ENDOV: variants seen among roughly 807,000 people sequenced by gnomAD.
ENDOV encodes endonuclease V, also known as hEndoV.
A neutral mutation model predicts 39.4 loss-of-function variants in ENDOV; 37 were observed. That is an observed-to-expected ratio of 0.94 (90% CI 0.72 to 1.23). ENDOV has a LOEUF of 1.23. Ranked by LOEUF, ENDOV falls within the 50% of genes most tolerant of loss-of-function variation. ENDOV has a pLI of 0.00. For missense variants in ENDOV, 441 were observed against 375.7 expected, an observed-to-expected ratio of 1.17 and a Z score of -1.44; for synonymous variants, 186 against 163.4, an observed-to-expected ratio of 1.14 and a Z score of -1.05.
chr17:80,424,046 G>T, intron 5 of ENDOV: 3 of 226,912 alleles, frequency 1.3e-5, no homozygotes, highest in East Asian at 9.0e-5. Context: ...CCCCCCTCCC[G>T]CCAAGACCTG....
intron 2 of ENDOV, chr17:80,420,436 C>A (rs907002461): frequency 2.6e-5 from 4 of 152,262 alleles, no homozygotes; most frequent in African/African-American, 7.2e-5. Context: ...CACTTTGGGT[C>A]ATGGGCAGAT....
At chr17:80,432,516 C>T (rs1360501094) in intron 9 of ENDOV, among the ~76,000 whole-genome samples, 3 of 152,076 alleles carry the variant, frequency 2.0e-5, no homozygotes, top group African/African-American at 7.2e-5. Flanking sequence ...CAACCGAGCA[C>T]AGCCGTTGTC....
intron 4 of ENDOV, 46 bp from the exon 5 acceptor site, chr17:80,423,474 G>GGCCCC: frequency 2.1e-6 from 3 of 1,449,926 alleles, no homozygotes; most frequent in Non-Finnish European, 2.8e-6. Flanking sequence ...CCTGTGCCAG[G>GGCCCC]CCCCAGCCCC....
intron 6 of ENDOV, 94 bp from the exon 7 acceptor site, chr17:80,425,398 A>C (rs2082570379): frequency 6.7e-7 from 1 of 1,498,178 alleles, no homozygotes; most frequent in Admixed American, 2.2e-5. Flanking sequence ...CCTTGCCCCC[A>C]GGACATTTTG....
In ENDOV at chr17:80,432,164, G is replaced by A. The variant is rs573571040; in HGVS notation, c.838+2333G>A. On this transcript the variant is annotated intron_variant, in intron 9 of 9. Coordinates refer to ENST00000518137, the MANE Select transcript of ENDOV (RefSeq NM_173627.5). ...TCCACCTGGAACCTGTTTCCTCACC[G>A]GGAACATGAACACCTGCTTCAGAAG... Among the ~76,000 whole-genome samples, 4 of 152,230 alleles carry A rather than the reference G, an allele frequency of 2.6e-5. 1 individual carries two copies. The highest frequency in any genetic ancestry group is 6.5e-5 in the Admixed American group (1 of 15,296).
chr17:80,429,693 C>T, intron 8 of ENDOV, 80 bp from the exon 9 acceptor site: 1 of 1,397,852 alleles, frequency 7.2e-7, no homozygotes, highest in Non-Finnish European at 9.8e-7. Context: ...AGCGCAGTTC[C>T]CAGACCCCAT....
At chr17:80,427,387 G>A (rs1324821738) in intron 7 of ENDOV, 4 of 981,190 alleles carry the variant, frequency 4.1e-6, no homozygotes, top group Admixed American at 1.2e-4. Flanking sequence ...CCCAGAGTAG[G>A]ACAGTGGCCC....
At chr17:80,428,506 G>T in intron 7 of ENDOV, 90 bp from the exon 8 acceptor site, 1 of 1,293,142 alleles carries the variant, frequency 7.7e-7, no homozygotes, top group South Asian at 1.3e-5. Context: ...GGGCTTCTGT[G>T]GGGGATGGAG....
At chr17:80,428,517 G>A in intron 7 of ENDOV, 79 bp from the exon 8 acceptor site, 1 of 1,375,586 alleles carries the variant, frequency 7.3e-7, no homozygotes, top group Non-Finnish European at 1.0e-6. Context: ...GGGGATGGAG[G>A]CATTGCCAGC....
chr17:80,429,166 A>T (rs2083101318), intron 8 of ENDOV, among the ~76,000 whole-genome samples: 1 of 152,338 alleles, frequency 6.6e-6, no homozygotes, highest in East Asian at 1.9e-4. Context: ...AGTCACCGCT[A>T]ACAGTGCAAG....
chr17:80,430,323 G>A, intron 9 of ENDOV: 1 of 1,522,088 alleles, frequency 6.6e-7, no homozygotes, highest in South Asian at 1.2e-5. Context: ...TCAATAGATG[G>A]AACTTGCTTG....
chr17:80,428,726 G>A (rs548394472), intron 8 of ENDOV, 66 bp downstream of exon 8: 11 of 1,466,760 alleles, frequency 7.5e-6, no homozygotes, highest in East Asian at 2.5e-5. Context: ...GGCTGTTTCC[G>A]GTGGCTCAGC....
At chr17:80,428,384 C>T (rs901082068) in intron 7 of ENDOV, 2 of 580,620 alleles carry the variant, frequency 3.4e-6, no homozygotes, top group African/African-American at 3.7e-5. Flanking sequence ...GGTTTGAGAG[C>T]TGCCATTGCG....
chr17:80,423,068 A>C (rs943298473), intron 4 of ENDOV, among the ~76,000 whole-genome samples: 1 of 152,240 alleles, frequency 6.6e-6, no homozygotes, highest in Non-Finnish European at 1.5e-5. Context: ...GAGAGGGCCC[A>C]GGAGGGGTGA....
rs762798083 is a variant in ENDOV, at chr17:80,415,791, C to G, written c.198C>G (p.Ser66=). The change falls in exon 2 of 10, where the codon TCC becomes TCG. Residue 66 remains serine, a synonymous_variant. Coordinates refer to ENST00000518137, the MANE Select transcript of ENDOV (RefSeq NM_173627.5). ...GGGACAGTGTCCGCGCTTGTGCTTCCCTGGTGGTGCTCAGCTTCCCTGAGC... is the reference window on the plus strand; with the variant it reads ...GGGACAGTGTCCGCGCTTGTGCTTCGCTGGTGGTGCTCAGCTTCCCTGAGC... ...VKGDSVRACA[S]LVVLSFPELE... The G allele has an allele frequency of 5.0e-6, 8 of 1,601,828 alleles. No homozygotes were observed. In the South Asian group the frequency reaches 9.0e-5, roughly 18 times the overall value.
rs547622066 is a variant in ENDOV, at chr17:80,434,537, T to C, written c.839-1596T>C. ...AACTGCCAGACTTTTCCATAGCAGCTACATCAGTTCACATCCCCACCAGCA... is the reference window on the plus strand; with the variant it reads ...AACTGCCAGACTTTTCCATAGCAGCCACATCAGTTCACATCCCCACCAGCA... On this transcript the variant is annotated intron_variant, in intron 9 of 9. Transcript: ENST00000518137. Among the ~76,000 whole-genome samples the C allele has an allele frequency of 2.0e-5, 3 of 152,334 alleles. No homozygotes were observed. In the South Asian group the frequency reaches 6.2e-4, roughly 32 times the overall value.
chr17:80,422,205 G>A lies in ENDOV; in HGVS notation c.364-1G>A. On this transcript the variant is annotated splice_acceptor_variant, in intron 3 of 9. Transcript: ENST00000518137. LOFTEE classifies it high-confidence loss of function. ...CTGTGACTCTCCCTGTGGCTCCATAGGTCCTTCTTGTGGATGGAAACGGGG... is the reference window on the plus strand; with the variant it reads ...CTGTGACTCTCCCTGTGGCTCCATAAGTCCTTCTTGTGGATGGAAACGGGG... 1 of 1,613,724 alleles carries A rather than the reference G, an allele frequency of 6.2e-7. No homozygotes were observed. The highest frequency in any genetic ancestry group is 2.2e-5 in the East Asian group (1 of 44,872).
At chr17:80,419,769 G>T in intron 2 of ENDOV, 1 of 676,712 alleles carries the variant, frequency 1.5e-6, no homozygotes. Context: ...CCATCTTTCC[G>T]TCTGCACTCA....
At chr17:80,419,716 C>T (rs1028466694) in intron 2 of ENDOV, 2 of 700,600 alleles carry the variant, frequency 2.9e-6, no homozygotes, top group African/African-American at 1.7e-5. Flanking sequence ...CCAGCTTCTT[C>T]ACTGGTCAGT....
Sources: allele counts gnomAD v4.1 joint callset (sites outside exome capture counted in the v4.1 genomes callset), GRCh38; gene constraint gnomAD v4.1.1; transcripts MANE v1.5; gene names NCBI Gene and HGNC (gene_info 2026-07-23, HGNC 2026-07-21).